The following PARD3 variants were observed in gnomAD, a reference collection of about 807,000 sequenced individuals.
PARD3 encodes the protein par-3 family cell polarity regulator.
A neutral mutation model predicts 155.4 loss-of-function variants in PARD3; 75 were observed. The ratio of observed to expected loss-of-function variants is 0.48; its 90% CI spans 0.40 to 0.58. PARD3 has a LOEUF of 0.58. PARD3 is among the 20% of genes least tolerant of loss of function. PARD3 has a pLI of 0.00. For missense variants in PARD3, 1,642 were observed against 1,721.7 expected, an observed-to-expected ratio of 0.95 and a Z score of 0.82; for synonymous variants, 576 against 610.5, an observed-to-expected ratio of 0.94 and a Z score of 0.83.
chr10:34,732,568 T>C (rs1348554288), intron 1 of PARD3, among the ~76,000 whole-genome samples: 1 of 152,130 alleles, frequency 6.6e-6, no homozygotes, highest in African/African-American at 2.4e-5. Context: ...CATAGTGGCA[T>C]GTGCCTGTAG....
At position 34,376,928 on chromosome 10, in the gene PARD3, A is replaced by G. The variant is rs529715745; in HGVS notation, c.1539+1039T>C. The stretch of plus-strand genomic sequence containing the variant: ...AAAAAAAACTAAGAAAAATGGTTTA[A>G]AACATATTTTTCAATTTTCTCTTTT... On this transcript the variant is annotated intron_variant, in intron 10 of 24. Coordinates refer to ENST00000374788, the MANE Select transcript of PARD3 (RefSeq NM_001184785.2). Among the ~76,000 whole-genome samples, 4 of 152,366 alleles carry G rather than the reference A, an allele frequency of 2.6e-5. No individual in the cohort carries two copies. The South Asian group carries it at 8.3e-4, about 32-fold the overall frequency.
chr10:34,547,689 C>A (rs2133940721), intron 2 of PARD3, among the ~76,000 whole-genome samples: 1 of 152,292 alleles, frequency 6.6e-6, no homozygotes, highest in Admixed American at 6.5e-5. Context: ...CATGACCTGA[C>A]ATCTATTGAC....
chr10:34,203,005 C>T (rs1258095233), intron 22 of PARD3, among the ~76,000 whole-genome samples: 3 of 152,194 alleles, frequency 2.0e-5, no homozygotes, highest in Non-Finnish European at 2.9e-5. Flanking sequence ...CACTTGAACA[C>T]AACCAAATGG....
At chr10:34,341,238 T>C (rs921615605) in intron 16 of PARD3, among the ~76,000 whole-genome samples, 8 of 148,828 alleles carry the variant, frequency 5.4e-5, no homozygotes, top group African/African-American at 2.0e-4. Context: ...TTAGAACACA[T>C]CAACTCTTAG....
At chr10:34,337,037 G>A (rs919020467) in intron 17 of PARD3, among the ~76,000 whole-genome samples, 2 of 152,106 alleles carry the variant, frequency 1.3e-5, no homozygotes, top group Admixed American at 6.5e-5. Context: ...ATATGTGTTT[G>A]TTTCCATTCT....
chr10:34,118,475 G>A (rs1435311637), intron 24 of PARD3, among the ~76,000 whole-genome samples: 1 of 152,168 alleles, frequency 6.6e-6, no homozygotes, highest in Admixed American at 6.5e-5. Context: ...CTCCCATGGA[G>A]CTGGGATTAC....
chr10:34,350,335 T>C (rs1837916617), intron 14 of PARD3, among the ~76,000 whole-genome samples: 1 of 152,098 alleles, frequency 6.6e-6, no homozygotes, highest in Admixed American at 6.5e-5. Context: ...AGGCTCCTTA[T>C]ATTAAAACCT....
intron 14 of PARD3, among the ~76,000 whole-genome samples, chr10:34,350,156 A>G (rs1837887865): frequency 6.6e-6 from 1 of 152,180 alleles, no homozygotes; most frequent in African/African-American, 2.4e-5. Flanking sequence ...TTGGGGTTAC[A>G]GTTTTGTTTT....
rs549805524 is a variant in PARD3, at chr10:34,489,896, A to C, written c.404-19633T>G. On this transcript the variant is annotated intron_variant, in intron 3 of 24. Coordinates refer to ENST00000374788, the MANE Select transcript of PARD3 (RefSeq NM_001184785.2). ...CATTTTATAGGTATTCCTATTTTAC[A>C]GGTATGAAGACTTGGTGTTACAGAG... Among the ~76,000 whole-genome samples, 189 of 152,328 alleles carry C rather than the reference A, an allele frequency of 1.2e-3. 1 individual carries two copies. The highest frequency in any genetic ancestry group is 4.4e-3 in the African/African-American group (182 of 41,580).
intron 22 of PARD3, among the ~76,000 whole-genome samples, chr10:34,245,191 A>G (rs1263397584): frequency 1.3e-5 from 2 of 152,200 alleles, no homozygotes; most frequent in Non-Finnish European, 2.9e-5. Flanking sequence ...CATTCCAACT[A>G]AAAGTACTAA....
intron 7 of PARD3, among the ~76,000 whole-genome samples, chr10:34,397,214 T>C (rs1843427295): frequency 6.6e-6 from 1 of 152,118 alleles, no homozygotes; most frequent in Non-Finnish European, 1.5e-5. Flanking sequence ...GAGATTTGTA[T>C]CTGTCAATCT....
intron 14 of PARD3, among the ~76,000 whole-genome samples, chr10:34,352,951 C>A (rs1180622020): frequency 6.6e-6 from 1 of 151,736 alleles, no homozygotes; most frequent in Non-Finnish European, 1.5e-5. Context: ...GCGCCTCTGC[C>A]CCGCCGCCCC....
At chr10:34,532,797 C>T (rs2082948619) in intron 2 of PARD3, among the ~76,000 whole-genome samples, 1 of 152,188 alleles carries the variant, frequency 6.6e-6, no homozygotes, top group South Asian at 2.1e-4. Flanking sequence ...TCTATTTTTA[C>T]ACTGAAAGAT....
intron 1 of PARD3, among the ~76,000 whole-genome samples, chr10:34,792,621 C>A (rs1466488849): frequency 6.6e-6 from 1 of 152,166 alleles, no homozygotes; most frequent in Non-Finnish European, 1.5e-5. Context: ...GGATACATGT[C>A]CCCCTGTTCT....
intron 20 of PARD3, among the ~76,000 whole-genome samples, chr10:34,312,965 T>C (rs1957785387): frequency 6.6e-6 from 1 of 152,328 alleles, no homozygotes; most frequent in Middle Eastern, 3.4e-3. Flanking sequence ...CAGTATTTTA[T>C]TATCTTGCTG....
intron 2 of PARD3, among the ~76,000 whole-genome samples, chr10:34,646,114 A>G (rs2092829814): frequency 6.6e-6 from 1 of 152,240 alleles, no homozygotes; most frequent in Non-Finnish European, 1.5e-5. Flanking sequence ...ATATATGGTT[A>G]TCATATGTAA....
chr10:34,667,610 A>G (rs1198479230), intron 2 of PARD3, among the ~76,000 whole-genome samples: 2 of 152,238 alleles, frequency 1.3e-5, no homozygotes, highest in Non-Finnish European at 2.9e-5. Context: ...GTTTCTAGCC[A>G]TATTGGAAAA....
chr10:34,790,945 A>AT (rs1468602753), intron 1 of PARD3, among the ~76,000 whole-genome samples: 2 of 152,184 alleles, frequency 1.3e-5, no homozygotes, highest in Non-Finnish European at 2.9e-5. Flanking sequence ...ATGCACAGGG[A>AT]AGCGCATGCG....
intron 5 of PARD3, among the ~76,000 whole-genome samples, chr10:34,403,553 T>C (rs1371289523): frequency 2.0e-5 from 3 of 152,162 alleles, no homozygotes; most frequent in African/African-American, 7.2e-5. Flanking sequence ...TGCGAATCTA[T>C]GAGAAGTAGA....
Sources: gnomAD v4.1 joint callset for allele counts (sites outside exome capture counted in the v4.1 genomes callset) on GRCh38, gnomAD v4.1.1 for gene constraint, MANE v1.5 for transcripts, NCBI Gene and HGNC (gene_info 2026-07-23, HGNC 2026-07-21) for gene names.